Variants in FLACC1 observed in about 807,000 individuals in gnomAD.
FLACC1 encodes the protein flagellum associated containing coiled-coil domains 1.
A neutral mutation model predicts 62.8 loss-of-function variants in FLACC1; 66 were observed. The observed-to-expected ratio is 1.05, with a 90% CI of 0.86 to 1.29. The LOEUF is 1.29. FLACC1 is among the 50% of genes most tolerant of loss of function. The pLI, the probability that FLACC1 is intolerant of heterozygous loss-of-function variation, is 0.00. For synonymous variants in FLACC1, 156 were observed against 161.0 expected (o/e 0.97, Z 0.24); for missense variants, 452 against 489.1 (o/e 0.92, Z 0.71).
Position 201,340,626 on chromosome 2 carries a change from C to T in FLACC1, c.524+1744G>A, listed in dbSNP as rs145818267. 1.2e-3 allele frequency among the ~76,000 whole-genome samples: 185 copies of T among 152,266 alleles called. 1 individual carries two copies. Among genetic ancestry groups the T allele is most frequent in the African/African-American group, 4.3e-3 (177 of 41,558 alleles). ...TTATTAATAGTTTTGTGTTTTTACT[C>T]TCATATTGGGATAAAATTGTCTTAC... On this transcript the variant is annotated intron_variant, in intron 7 of 14. Coordinates refer to ENST00000392257, the MANE Select transcript of FLACC1 (RefSeq NM_001127391.3).
intron 9 of FLACC1, among the ~76,000 whole-genome samples, chr2:201,325,688 A>C (rs1255734903): frequency 6.6e-6 from 1 of 152,142 alleles, no homozygotes; most frequent in African/African-American, 2.4e-5. Flanking sequence ...AAAATTGCCA[A>C]GAACAACAAA....
chr2:201,303,085 C>T (rs910486015), intron 11 of FLACC1, among the ~76,000 whole-genome samples: 1 of 147,912 alleles, frequency 6.8e-6, no homozygotes, highest in African/African-American at 2.5e-5. Context: ...AAGATCAGAG[C>T]AGAACTGAAG....
chr2:201,309,022 A>G (rs1950160610), intron 10 of FLACC1, 129 bp downstream of exon 10: 1 of 742,980 alleles, frequency 1.3e-6, no homozygotes, highest in Admixed American at 2.3e-5. Context: ...GGCACCTTCC[A>G]TTCAGGTATC....
intron 1 of FLACC1, among the ~76,000 whole-genome samples, chr2:201,353,710 C>A (rs924275608): frequency 1.1e-4 from 16 of 152,194 alleles, no homozygotes; most frequent in African/African-American, 3.6e-4. Context: ...GCCTCAGCCT[C>A]CTGTAGGTGT....
At chr2:201,290,331 T>C (rs1277424857) in intron 12 of FLACC1, among the ~76,000 whole-genome samples, 4 of 151,074 alleles carry the variant, frequency 2.6e-5, no homozygotes, top group African/African-American at 9.7e-5. Context: ...TTGCAACTAA[T>C]GTGCCATCCC....
intron 9 of FLACC1, among the ~76,000 whole-genome samples, chr2:201,310,284 GT>G (rs1215927744): frequency 6.6e-6 from 1 of 152,138 alleles, no homozygotes; most frequent in Admixed American, 6.5e-5. Context: ...AAAAAAATGA[GT>G]TTTAGACACA....
chr2:201,311,514 G>C (rs553740788), intron 9 of FLACC1, among the ~76,000 whole-genome samples: 1 of 152,066 alleles, frequency 6.6e-6, no homozygotes, highest in South Asian at 2.1e-4. Flanking sequence ...TTGAGCCCAG[G>C]AGTTTAAGCA....
rs1949640581 is a variant in FLACC1, at chr2:201,288,507, T to G, written c.*148A>C. 5.2e-6 allele frequency: 5 copies of G among 955,760 alleles called. No homozygotes were observed. The allele number at this position is 955,760 out of a possible 1,614,324, so 59.2% of individuals were successfully genotyped here. A position where few individuals can be genotyped will look rare whatever the true frequency, so the allele number is the denominator to read the frequency against. ...TAAGCTGTGAAATTCAGATGCGAAT[T>G]CAAACATTTTCAGACATTCAGAGAG... is the stretch of plus-strand genomic sequence containing the variant. On this transcript the variant is annotated 3_prime_UTR_variant, in exon 15 of 15. Transcript: ENST00000392257.
At chr2:201,342,486 A>C in intron 6 of FLACC1, 55 bp from the exon 7 acceptor site, 1 of 1,567,964 alleles carries the variant, frequency 6.4e-7, no homozygotes, top group South Asian at 1.1e-5. Context: ...TCCCATTCTG[A>C]TCTGCACCTT....
At chr2:201,301,083 A>G (rs1949971916) in intron 11 of FLACC1, among the ~76,000 whole-genome samples, 1 of 152,238 alleles carries the variant, frequency 6.6e-6, no homozygotes, top group African/African-American at 2.4e-5. Context: ...GAATGAATTG[A>G]CGAGTTGAGA....
chr2:201,289,019 CA>C (rs1949661777), intron 14 of FLACC1, among the ~76,000 whole-genome samples: 1 of 152,018 alleles, frequency 6.6e-6, no homozygotes, highest in Admixed American at 6.6e-5. Context: ...AAGTATTGAC[CA>C]AAATTTATTT....
chr2:201,294,816 C>G (rs1256737712), intron 12 of FLACC1, among the ~76,000 whole-genome samples: 1 of 152,188 alleles, frequency 6.6e-6, no homozygotes, highest in Non-Finnish European at 1.5e-5. Flanking sequence ...TAAGCAACTT[C>G]AGCAAAGTCT....
intron 7 of FLACC1, among the ~76,000 whole-genome samples, chr2:201,337,647 C>T (rs1950721492): frequency 6.6e-6 from 1 of 152,042 alleles, no homozygotes; most frequent in Admixed American, 6.6e-5. Context: ...CCTCAGCCTC[C>T]CAAGTAGCTA....
At chr2:201,360,008 G>C (rs1445647897), upstream of FLACC1, among the ~76,000 whole-genome samples, 1 of 151,760 alleles carries the variant, frequency 6.6e-6, no homozygotes, top group African/African-American at 2.4e-5. Flanking sequence ...TACAGAGGAA[G>C]TAAGTGCTGA....
chr2:201,351,534 G>A lies in FLACC1; in HGVS notation c.-47-83C>T, dbSNP rs1951029145. 8.7e-6 allele frequency: 6 copies of A among 687,552 alleles called. No individual in the cohort carries two copies. The South Asian group carries it at 1.1e-4, about 13-fold the overall frequency. 42.6% of individuals were successfully genotyped at this position (687,552 alleles called of 1,614,324 possible). On this transcript the variant is annotated intron_variant, in intron 1 of 14. Transcript: ENST00000392257. ...AGAAGAATTGGGAAGAACCCAGGGA[G>A]GACCCAAAGAACAATGGTAGATTCC...
In FLACC1 at chr2:201,355,055, C is replaced by A. The variant is rs562908001; in HGVS notation, c.-48+1927G>T. On this transcript the variant is annotated intron_variant, in intron 1 of 14. Coordinates refer to ENST00000392257, the MANE Select transcript of FLACC1 (RefSeq NM_001127391.3). The stretch of plus-strand genomic sequence containing the variant: ...ATTCCAGCACTTTGGGAGGCCAAGG[C>A]GAGAGGATCACTTGACGCCAGGAGT... 2.6e-5 allele frequency among the ~76,000 whole-genome samples: 4 copies of A among 152,248 alleles called. No individual in the cohort carries two copies. The East Asian group carries it at 7.7e-4, about 29-fold the overall frequency.
chr2:201,309,308 G>A (rs1401370008), intron 9 of FLACC1, 58 bp from the exon 10 acceptor site: 2 of 1,360,430 alleles, frequency 1.5e-6, no homozygotes, highest in Non-Finnish European at 2.1e-6. Flanking sequence ...GTGACCTGGA[G>A]AGGCTGTAAA....
the FLACC1 span, among the ~76,000 whole-genome samples, chr2:201,363,504 A>C: frequency 6.6e-6 from 1 of 151,000 alleles, no homozygotes; most frequent in African/African-American, 2.4e-5. Context: ...CCCCATTCCA[A>C]GACATAGATC....
Position 201,346,677 on chromosome 2 carries a change from T to C in FLACC1, c.235-2A>G. On this transcript the variant is annotated splice_acceptor_variant, in intron 4 of 14. Transcript: ENST00000392257. LOFTEE classifies it high-confidence loss of function. The surrounding 1 kb of genome is among the most constrained non-coding windows in gnomAD (Gnocchi z 4.0). Reference sequence around the variant, plus strand: ...GCCAGGTGACACGTTGATCACTTCCTAGGCATCAAGGGAAAGTAAGATAAA... The same window carrying C: ...GCCAGGTGACACGTTGATCACTTCCCAGGCATCAAGGGAAAGTAAGATAAA... 1 of 1,614,120 alleles carries C rather than the reference T, an allele frequency of 6.2e-7. No homozygotes were observed. The highest frequency in any genetic ancestry group is 1.3e-5 in the African/African-American group (1 of 75,076).
Sources: gnomAD v4.1 joint callset for allele counts (sites outside exome capture counted in the v4.1 genomes callset) on GRCh38, gnomAD v4.1.1 for gene constraint, Gnocchi (gnomAD v3.1) non-coding constraint, MANE v1.5 for transcripts, NCBI Gene and HGNC (gene_info 2026-07-23, HGNC 2026-07-21) for gene names.